FAT3: variants seen among roughly 807,000 people sequenced by gnomAD.
FAT3 encodes the protein protocadherin Fat 3.
FAT3 carries 95 observed loss-of-function variants against 310.2 expected under a neutral mutation model. The ratio of observed to expected loss-of-function variants is 0.31; its 90% CI spans 0.26 to 0.36. The LOEUF is 0.36. FAT3 is among the 10% of genes least tolerant of loss of function. The pLI, the probability that FAT3 is intolerant of heterozygous loss-of-function variation, is 1.00. For synonymous variants in FAT3, 2,314 were observed against 2,192.9 expected, an observed-to-expected ratio of 1.06 and a Z score of -1.54; for missense variants, 5,408 against 5,715.6, an observed-to-expected ratio of 0.95 and a Z score of 1.74.
chr11:92,849,738 CA>C (rs1948772421), intron 19 of FAT3, among the ~76,000 whole-genome samples: 1 of 152,208 alleles, frequency 6.6e-6, no homozygotes, highest in Admixed American at 6.5e-5. Context: ...GTAGAGGATG[CA>C]TTTTAAGCAT....
chr11:92,715,790 C>A (rs1944663196), intron 4 of FAT3, among the ~76,000 whole-genome samples: 1 of 151,664 alleles, frequency 6.6e-6, no homozygotes, highest in African/African-American at 2.4e-5. Flanking sequence ...GGAGACTTGA[C>A]CTGGGCCTTG....
intron 1 of FAT3, among the ~76,000 whole-genome samples, chr11:92,306,203 T>G (rs927667556): frequency 2.6e-5 from 4 of 151,938 alleles, no homozygotes; most frequent in African/African-American, 9.7e-5. Flanking sequence ...GTGATAGATT[T>G]CCCTTTGCTG....
intron 2 of FAT3, among the ~76,000 whole-genome samples, chr11:92,424,488 T>C (rs1404063162): frequency 6.6e-6 from 1 of 152,056 alleles, no homozygotes. Context: ...GAATAAACCA[T>C]GAAGGGTTTG....
At chr11:92,482,044 A>G (rs1402848085) in intron 2 of FAT3, among the ~76,000 whole-genome samples, 1 of 152,108 alleles carries the variant, frequency 6.6e-6, no homozygotes, top group Non-Finnish European at 1.5e-5. Context: ...ACCTAGAGAA[A>G]TTGGGTAAGA....
At chr11:92,323,279 T>A (rs1947675005) in intron 1 of FAT3, among the ~76,000 whole-genome samples, 1 of 152,058 alleles carries the variant, frequency 6.6e-6, no homozygotes, top group African/African-American at 2.4e-5. Context: ...AACAGGGTCT[T>A]GCTCTGTCAC....
intron 4 of FAT3, among the ~76,000 whole-genome samples, chr11:92,698,055 G>C (rs1943991146): frequency 6.6e-6 from 1 of 152,166 alleles, no homozygotes; most frequent in Non-Finnish European, 1.5e-5. Context: ...TAAGCATCGA[G>C]TGTCTTTATT....
rs1946646707 is a variant in FAT3, at chr11:92,289,723, T to G, written c.-17-62373T>G. Among the ~76,000 whole-genome samples the G allele has an allele frequency of 2.0e-5, 3 of 152,144 alleles. No individual in the cohort carries two copies. The South Asian group carries it at 6.2e-4, about 32-fold the overall frequency. On this transcript the variant is annotated intron_variant, in intron 1 of 27. Coordinates refer to ENST00000525166, the MANE Select transcript of FAT3 (RefSeq NM_001367949.2). Reference sequence around the variant, plus strand: ...CATCTTTAATGTTTGGGATGGTATCTAATCCCTAACCCTCAGCTTTGGGGC... The same window carrying G: ...CATCTTTAATGTTTGGGATGGTATCGAATCCCTAACCCTCAGCTTTGGGGC...
intron 1 of FAT3, among the ~76,000 whole-genome samples, chr11:92,285,530 T>C (rs530350548): frequency 6.6e-6 from 1 of 152,290 alleles, no homozygotes; most frequent in South Asian, 2.1e-4. Context: ...ATCCCATTCT[T>C]ACAACACTAT....
intron 2 of FAT3, among the ~76,000 whole-genome samples, chr11:92,411,963 T>C (rs1250289306): frequency 6.6e-6 from 1 of 152,094 alleles, no homozygotes; most frequent in African/African-American, 2.4e-5. Flanking sequence ...CCTTTCATCA[T>C]TTTCATTGCT....
chr11:92,518,896 G>A (rs535633983), intron 2 of FAT3, among the ~76,000 whole-genome samples: 4 of 152,174 alleles, frequency 2.6e-5, no homozygotes, highest in African/African-American at 7.2e-5. Flanking sequence ...AGAAATGAAA[G>A]AAGACAAATA....
chr11:92,695,522 C>T (rs1943912420), intron 3 of FAT3, among the ~76,000 whole-genome samples: 1 of 152,070 alleles, frequency 6.6e-6, no homozygotes, highest in Admixed American at 6.6e-5. Context: ...GTCACACAAG[C>T]CTTTCCCACC....
chr11:92,560,289 A>G (rs1476342300), intron 3 of FAT3, among the ~76,000 whole-genome samples: 1 of 152,040 alleles, frequency 6.6e-6, no homozygotes, highest in Non-Finnish European at 1.5e-5. Context: ...AAATTGAGCT[A>G]TTTTTCTTCT....
intron 3 of FAT3, among the ~76,000 whole-genome samples, chr11:92,694,382 G>C (rs929996197): frequency 6.6e-6 from 1 of 152,228 alleles, no homozygotes; most frequent in African/African-American, 2.4e-5. Context: ...GAAACTGCTT[G>C]TCTTCCTCAC....
intron 2 of FAT3, among the ~76,000 whole-genome samples, chr11:92,423,697 G>GGGGT (rs1950574744): frequency 6.6e-6 from 1 of 152,128 alleles, no homozygotes; most frequent in Non-Finnish European, 1.5e-5. Context: ...TGGGGAGGGG[G>GGGGT]ATTTAATTTA....
intron 2 of FAT3, among the ~76,000 whole-genome samples, chr11:92,506,983 G>A (rs1953120265): frequency 6.6e-6 from 1 of 152,152 alleles, no homozygotes. Context: ...CAACATCCAT[G>A]CATTTAACAG....
At chr11:92,657,265 C>T (rs1942616437) in intron 3 of FAT3, among the ~76,000 whole-genome samples, 1 of 152,148 alleles carries the variant, frequency 6.6e-6, no homozygotes, top group East Asian at 1.9e-4. Context: ...TCCAGTAGTA[C>T]ATCCAGCCAT....
Position 92,737,342 on chromosome 11 carries a change from A to C in FAT3, c.3670-24514A>C, listed in dbSNP as rs1159415963. Among the ~76,000 whole-genome samples, 3 of 152,206 alleles carry C rather than the reference A, an allele frequency of 2.0e-5. No individual in the cohort carries two copies. In the East Asian group the frequency reaches 5.8e-4, roughly 29 times the overall value. ...CAGGGACTCTGTGGGTAGCCATGGTACTTAAAATCTAAGGAATAGCAAAGA... is the reference window on the plus strand; with the variant it reads ...CAGGGACTCTGTGGGTAGCCATGGTCCTTAAAATCTAAGGAATAGCAAAGA... On this transcript the variant is annotated intron_variant, in intron 4 of 27. Transcript: ENST00000525166.
intron 2 of FAT3, among the ~76,000 whole-genome samples, chr11:92,360,386 G>T (rs950163464): frequency 6.6e-6 from 1 of 152,110 alleles, no homozygotes; most frequent in Non-Finnish European, 1.5e-5. Context: ...ATTAAATGGG[G>T]GCCTCCCCAA....
At chr11:92,661,652 G>A (rs181421125) in intron 3 of FAT3, among the ~76,000 whole-genome samples, 235 of 151,902 alleles carry the variant, frequency 1.5e-3, no homozygotes, top group Admixed American at 3.4e-3. Flanking sequence ...AAATGGTCCC[G>A]TTTCTACCGA....
Sources: gnomAD v4.1 joint callset for allele counts (sites outside exome capture counted in the v4.1 genomes callset) on GRCh38, gnomAD v4.1.1 for gene constraint, MANE v1.5 for transcripts, NCBI Gene and HGNC (gene_info 2026-07-23, HGNC 2026-07-21) for gene names.